E2F3: variants seen among roughly 807,000 people sequenced by gnomAD.
E2F3 encodes the protein E2F transcription factor 3.
A neutral mutation model predicts 44.4 loss-of-function variants in E2F3; 11 were observed. That is an observed-to-expected ratio of 0.25 (90% CI 0.16 to 0.41). The LOEUF (loss-of-function observed/expected upper bound fraction) is 0.41, where lower values mean the gene tolerates loss of function less well. Among genes scored for constraint, E2F3 ranks in the 10% least tolerant of loss-of-function variants. The probability of loss-of-function intolerance (pLI) is 1.00; values close to 1 mark genes in which losing one functional copy is unlikely to be tolerated. For missense variants in E2F3, 487 were observed against 583.6 expected (o/e 0.83, Z 1.70); for synonymous variants, 249 against 253.0 (o/e 0.98, Z 0.15).
intron 1 of E2F3, among the ~76,000 whole-genome samples, chr6:20,443,368 A>C (rs1760836680): frequency 6.6e-6 from 1 of 152,194 alleles, no homozygotes; most frequent in Non-Finnish European, 1.5e-5. Flanking sequence ...GATTATTAAT[A>C]ACATTTTTTT....
intron 1 of E2F3, chr6:20,403,926 G>C (rs1759401751): frequency 2.7e-6 from 2 of 736,580 alleles, no homozygotes; most frequent in Non-Finnish European, 4.2e-6. Flanking sequence ...GTTGAGCGGG[G>C]TTTTGGAGTG....
At chr6:20,458,824 G>T (rs549454294) in intron 1 of E2F3, among the ~76,000 whole-genome samples, 4 of 152,192 alleles carry the variant, frequency 2.6e-5, no homozygotes, top group Non-Finnish European at 4.4e-5. Context: ...AGTAAGAAAG[G>T]TTCTTCCATT....
At chr6:20,433,490 T>C (rs571000054) in intron 1 of E2F3, among the ~76,000 whole-genome samples, 1 of 152,326 alleles carries the variant, frequency 6.6e-6, no homozygotes, top group Non-Finnish European at 1.5e-5. Context: ...ACAGTAGAAC[T>C]GGCAGTGTGT....
intron 1 of E2F3, 63 bp from the exon 2 acceptor site, chr6:20,479,783 C>A: frequency 6.9e-7 from 1 of 1,454,370 alleles, no homozygotes; most frequent in Non-Finnish European, 9.4e-7. Context: ...AGCCCACAAA[C>A]TGCCTCCCTT....
chr6:20,418,208 C>T (rs1378103451), intron 1 of E2F3, among the ~76,000 whole-genome samples: 2 of 152,154 alleles, frequency 1.3e-5, no homozygotes, highest in Non-Finnish European at 2.9e-5. Context: ...TCCCATCTGA[C>T]TTGTGGAGTG....
At chr6:20,444,309 G>T (rs1212850123) in intron 1 of E2F3, among the ~76,000 whole-genome samples, 2 of 152,158 alleles carry the variant, frequency 1.3e-5, no homozygotes, top group Non-Finnish European at 2.9e-5. Context: ...TATATGTTAT[G>T]GTGTTTTTAG....
chr6:20,469,157 G>A (rs1377756031), intron 1 of E2F3, among the ~76,000 whole-genome samples: 1 of 152,138 alleles, frequency 6.6e-6, no homozygotes, highest in African/African-American at 2.4e-5. Context: ...TACAAGAAAG[G>A]ATATATAGTC....
At chr6:20,455,304 C>T (rs1197468118) in intron 1 of E2F3, among the ~76,000 whole-genome samples, 2 of 152,156 alleles carry the variant, frequency 1.3e-5, no homozygotes, top group Non-Finnish European at 2.9e-5. Context: ...TTGTTGGCTG[C>T]AAGCAAAGTG....
intron 1 of E2F3, among the ~76,000 whole-genome samples, chr6:20,472,531 A>G (rs913579191): frequency 1.3e-5 from 2 of 152,052 alleles, no homozygotes; most frequent in African/African-American, 4.8e-5. Context: ...TACCAAAAAA[A>G]AAATTAGCCA....
chr6:20,447,756 T>G (rs1344592973), intron 1 of E2F3, among the ~76,000 whole-genome samples: 1 of 152,192 alleles, frequency 6.6e-6, no homozygotes, highest in East Asian at 1.9e-4. Flanking sequence ...CAACAGTCAT[T>G]GCCATAATTT....
intron 6 of E2F3, among the ~76,000 whole-genome samples, chr6:20,488,538 G>A (rs560961124): frequency 6.6e-6 from 1 of 152,256 alleles, no homozygotes; most frequent in Admixed American, 6.5e-5. Flanking sequence ...GAACTGTCTT[G>A]TTGGATCATC....
chr6:20,448,482 C>G (rs1761021129), intron 1 of E2F3, among the ~76,000 whole-genome samples: 3 of 152,102 alleles, frequency 2.0e-5, no homozygotes, highest in Non-Finnish European at 4.4e-5. Context: ...CACACACACA[C>G]AGCAGTTAGA....
At chr6:20,454,908 C>T (rs1203447425) in intron 1 of E2F3, among the ~76,000 whole-genome samples, 2 of 152,140 alleles carry the variant, frequency 1.3e-5, no homozygotes, top group African/African-American at 4.8e-5. Context: ...CACTGGATAG[C>T]TTTTGAAAAT....
At chr6:20,415,284 CAG>C (rs1223779046) in intron 1 of E2F3, among the ~76,000 whole-genome samples, 3 of 152,208 alleles carry the variant, frequency 2.0e-5, no homozygotes, top group Non-Finnish European at 4.4e-5. Flanking sequence ...AAGGAAATAA[CAG>C]TGAAGTTTCT....
intron 1 of E2F3, among the ~76,000 whole-genome samples, chr6:20,457,808 T>G (rs1391818630): frequency 1.3e-5 from 2 of 152,192 alleles, no homozygotes; most frequent in East Asian, 1.9e-4. Context: ...CCAGTAAAAG[T>G]TAATACTGTC....
intron 1 of E2F3, among the ~76,000 whole-genome samples, chr6:20,434,529 C>T (rs1034119438): frequency 6.6e-6 from 1 of 152,166 alleles, no homozygotes; most frequent in African/African-American, 2.4e-5. Flanking sequence ...CCACTTAAAT[C>T]TTAGACCCAC....
intron 1 of E2F3, among the ~76,000 whole-genome samples, chr6:20,454,484 G>T (rs769387852): frequency 3.3e-5 from 5 of 152,164 alleles, no homozygotes; most frequent in Non-Finnish European, 7.3e-5. Context: ...TATTCTTAGA[G>T]TAGGAAACTT....
At chr6:20,435,827 G>A (rs1296836132) in intron 1 of E2F3, among the ~76,000 whole-genome samples, 1 of 152,084 alleles carries the variant, frequency 6.6e-6, no homozygotes, top group Non-Finnish European at 1.5e-5. Flanking sequence ...TAAGAAAAAG[G>A]TGCTCCTTTT....
intron 1 of E2F3, among the ~76,000 whole-genome samples, chr6:20,451,025 T>C (rs1463459812): frequency 6.6e-6 from 1 of 152,256 alleles, no homozygotes; most frequent in Non-Finnish European, 1.5e-5. Context: ...TTTTGGTTAC[T>C]GTGGCCCTAT....
Sources: gnomAD v4.1 joint callset for allele counts (sites outside exome capture counted in the v4.1 genomes callset) on GRCh38, gnomAD v4.1.1 for gene constraint, MANE v1.5 for transcripts, NCBI Gene and HGNC (gene_info 2026-07-23, HGNC 2026-07-21) for gene names.